Variants in DGKB observed in about 807,000 individuals in gnomAD.
The protein encoded by DGKB is 90 kDa diacylglycerol kinase.
A neutral mutation model predicts 114.3 loss-of-function variants in DGKB; 67 were observed. That is an observed-to-expected ratio of 0.59 (90% CI 0.48 to 0.72). The LOEUF (loss-of-function observed/expected upper bound fraction) is 0.72, where lower values mean the gene tolerates loss of function less well. Among genes scored for constraint, DGKB ranks in the 30% least tolerant of loss-of-function variants. The pLI is 0.00. For missense variants in DGKB, 907 were observed against 975.2 expected, an observed-to-expected ratio of 0.93 and a Z score of 0.93; for synonymous variants, 398 against 323.1, an observed-to-expected ratio of 1.23 and a Z score of -2.49.
At chr7:14,962,432 G>C (rs1474753620) in intron 1 of DGKB, among the ~76,000 whole-genome samples, 1 of 152,066 alleles carries the variant, frequency 6.6e-6, no homozygotes, top group East Asian at 1.9e-4. Flanking sequence ...TTTAGATTTG[G>C]AATGAAATAA....
intron 21 of DGKB, among the ~76,000 whole-genome samples, chr7:14,424,359 A>G (rs768591218): frequency 1.1e-4 from 16 of 151,986 alleles, no homozygotes; most frequent in Admixed American, 2.0e-4. Flanking sequence ...CTCCCTGTTC[A>G]AAATATTCTT....
intron 21 of DGKB, among the ~76,000 whole-genome samples, chr7:14,360,455 T>C (rs1815504845): frequency 6.6e-6 from 1 of 151,370 alleles, no homozygotes; most frequent in South Asian, 2.1e-4. Flanking sequence ...AAAGTATATA[T>C]ATATATATAT....
intron 23 of DGKB, among the ~76,000 whole-genome samples, chr7:14,294,340 G>C (rs1023940773): frequency 2.0e-5 from 3 of 152,094 alleles, no homozygotes; most frequent in African/African-American, 7.2e-5. Context: ...TTAGGATGCA[G>C]TCATCTTTGG....
chr7:14,307,520 G>A (rs1804689417), intron 23 of DGKB, among the ~76,000 whole-genome samples: 1 of 152,096 alleles, frequency 6.6e-6, no homozygotes, highest in South Asian at 2.1e-4. Context: ...ATGCATATAG[G>A]CAAAGAACAG....
Position 14,613,327 on chromosome 7 carries a change from TC to T in DGKB, c.1358+12del. 6.5e-7 allele frequency: 1 copy of T among 1,535,180 alleles called. No individual in the cohort carries two copies. The highest frequency in any genetic ancestry group is 8.9e-7 in the Non-Finnish European group (1 of 1,129,784). ...TACATGACATAGACACTAAAATCAA[TC>T]AAAAAACATACCGTTCTCCTTGTTT... On this transcript the variant is annotated intron_variant, in intron 16 of 25. Coordinates refer to ENST00000402815, the MANE Select transcript of DGKB (RefSeq NM_001350709.2).
chr7:14,877,129 A>G (rs977158198), intron 1 of DGKB, among the ~76,000 whole-genome samples: 11 of 152,250 alleles, frequency 7.2e-5, no homozygotes, highest in Non-Finnish European at 1.5e-4. Context: ...GGGAAGTTTT[A>G]TAACTATATA....
chr7:14,885,104 T>G (rs1189582056), intron 1 of DGKB, among the ~76,000 whole-genome samples: 1 of 151,978 alleles, frequency 6.6e-6, no homozygotes, highest in Non-Finnish European at 1.5e-5. Context: ...CTCCTATTTT[T>G]AAGAAACATC....
intron 20 of DGKB, among the ~76,000 whole-genome samples, chr7:14,526,824 G>A (rs1231019251): frequency 6.6e-6 from 1 of 151,830 alleles, no homozygotes; most frequent in African/African-American, 2.4e-5. Flanking sequence ...GCCACACACA[G>A]ACACACACAC....
At chr7:14,669,962 T>A (rs1818673518) in intron 13 of DGKB, among the ~76,000 whole-genome samples, 2 of 152,018 alleles carry the variant, frequency 1.3e-5, no homozygotes, top group South Asian at 4.1e-4. Context: ...ACAATCAGCT[T>A]TTGTTTTGTA....
intron 1 of DGKB, among the ~76,000 whole-genome samples, chr7:14,849,946 G>A (rs1329622007): frequency 1.3e-5 from 2 of 152,164 alleles, no homozygotes; most frequent in African/African-American, 4.8e-5. Context: ...AAGCTCTGAG[G>A]AGACGAGTTC....
chr7:14,781,220 G>T (rs2128488788), intron 2 of DGKB, among the ~76,000 whole-genome samples: 1 of 152,310 alleles, frequency 6.6e-6, no homozygotes, highest in East Asian at 1.9e-4. Flanking sequence ...AACAAGGGTG[G>T]AGGGCAATAT....
intron 20 of DGKB, among the ~76,000 whole-genome samples, chr7:14,503,277 T>G (rs775034794): frequency 6.6e-6 from 1 of 152,152 alleles, no homozygotes; most frequent in Non-Finnish European, 1.5e-5. Context: ...ACGTTATTCT[T>G]AAAACTCTTT....
chr7:14,734,475 T>G (rs575883751), intron 5 of DGKB, among the ~76,000 whole-genome samples: 62 of 152,192 alleles, frequency 4.1e-4, no homozygotes, highest in African/African-American at 1.3e-3. Context: ...TATTAAGATA[T>G]TATTTGCTTT....
intron 23 of DGKB, among the ~76,000 whole-genome samples, chr7:14,258,282 G>A (rs931269627): frequency 1.6e-4 from 24 of 152,208 alleles, no homozygotes; most frequent in African/African-American, 5.8e-4. Flanking sequence ...TGTGTGTTAA[G>A]AATAGAGGTA....
At chr7:14,539,361 T>G (rs1396923061) in intron 20 of DGKB, among the ~76,000 whole-genome samples, 1 of 152,154 alleles carries the variant, frequency 6.6e-6, no homozygotes, top group Non-Finnish European at 1.5e-5. Context: ...ACTGTCATGT[T>G]TTCCTTGCAC....
chr7:14,173,906 A>G (rs1781363618), intron 25 of DGKB, among the ~76,000 whole-genome samples: 1 of 152,168 alleles, frequency 6.6e-6, no homozygotes, highest in African/African-American at 2.4e-5. Flanking sequence ...AAGTTACATA[A>G]AATTTTTATT....
At chr7:14,694,583 C>G (rs1186537981) in intron 8 of DGKB, among the ~76,000 whole-genome samples, 1 of 152,118 alleles carries the variant, frequency 6.6e-6, no homozygotes, top group Non-Finnish European at 1.5e-5. Context: ...TAATTCTTTG[C>G]TAAGTAGTAA....
intron 2 of DGKB, among the ~76,000 whole-genome samples, chr7:14,778,190 A>G (rs1203829360): frequency 2.6e-5 from 4 of 152,216 alleles, no homozygotes; most frequent in African/African-American, 4.8e-5. Flanking sequence ...TTCAGAGTTA[A>G]AAGACCTGTG....
At chr7:14,831,278 A>G (rs1040849585) in intron 2 of DGKB, among the ~76,000 whole-genome samples, 12 of 152,112 alleles carry the variant, frequency 7.9e-5, no homozygotes, top group Admixed American at 7.9e-4. Context: ...CCTTCTGGAC[A>G]CTGATAATGA....
Sources: allele counts gnomAD v4.1 joint callset (sites outside exome capture counted in the v4.1 genomes callset), GRCh38; gene constraint gnomAD v4.1.1; transcripts MANE v1.5; gene names NCBI Gene and HGNC (gene_info 2026-07-23, HGNC 2026-07-21).